DIP2B: variants seen among roughly 807,000 people sequenced by gnomAD.
DIP2B encodes DIP2 acetate--CoA ligase B (putative).
A neutral mutation model predicts 198.0 loss-of-function variants in DIP2B; 76 were observed. The observed-to-expected ratio is 0.38, with a 90% CI of 0.32 to 0.46. DIP2B has a LOEUF of 0.46. DIP2B is among the 20% of genes least tolerant of loss of function. The pLI, the probability that DIP2B is intolerant of heterozygous loss-of-function variation, is 0.99. For synonymous variants in DIP2B, 701 were observed against 739.1 expected (o/e 0.95, Z 0.84); for missense variants, 1,559 against 1,978.4 (o/e 0.79, Z 4.02).
chr12:50,511,320 G>T (rs1463456373), intron 1 of DIP2B, among the ~76,000 whole-genome samples: 1 of 12,386 alleles, frequency 8.1e-5, no homozygotes, highest in African/African-American at 2.2e-4. Context: ...TTTGAGACAG[G>T]GTCTCACTCT....
At chr12:50,739,120 G>A (rs886668914) in intron 35 of DIP2B, among the ~76,000 whole-genome samples, 25 of 152,198 alleles carry the variant, frequency 1.6e-4, no homozygotes, top group African/African-American at 5.8e-4. Context: ...ACGGGCATGG[G>A]TGCGAGTCTC....
intron 1 of DIP2B, among the ~76,000 whole-genome samples, chr12:50,580,538 C>T (rs1183320209): frequency 7.9e-5 from 10 of 127,202 alleles, no homozygotes; most frequent in East Asian, 2.9e-4. Flanking sequence ...TTTCTTTTTC[C>T]TTTTTTTTTT....
intron 23 of DIP2B, among the ~76,000 whole-genome samples, chr12:50,716,958 C>CTTTTTTTTTTTTTTTTTTTTTCTTTTTT (rs1939733256): frequency 1.7e-5 from 1 of 58,924 alleles, no homozygotes; most frequent in Non-Finnish European, 3.0e-5. Context: ...CGAATTGTTG[C>CTTTTTTTTTTTTTTTTTTTTTCTTTTTT]TTTTTTTTTT....
chr12:50,719,461 A>AT (rs1194195145), intron 25 of DIP2B, among the ~76,000 whole-genome samples: 1 of 152,228 alleles, frequency 6.6e-6, no homozygotes, highest in Non-Finnish European at 1.5e-5. Context: ...TAGTTAAATG[A>AT]TTTATTGCTA....
chr12:50,741,688 G>A (rs1479639423), intron 37 of DIP2B, 149 bp downstream of exon 37: 5 of 1,163,952 alleles, frequency 4.3e-6, no homozygotes, highest in Non-Finnish European at 5.9e-6. Flanking sequence ...TCTTGTCTTG[G>A]GTGTGCAATC....
chr12:50,558,856 G>A (rs887717712), intron 1 of DIP2B, among the ~76,000 whole-genome samples: 2 of 152,136 alleles, frequency 1.3e-5, no homozygotes, highest in African/African-American at 4.8e-5. Flanking sequence ...GGAAATGGGG[G>A]CAAAAGTGGG....
intron 1 of DIP2B, among the ~76,000 whole-genome samples, chr12:50,538,599 T>C (rs1958290952): frequency 6.6e-6 from 1 of 151,988 alleles, no homozygotes; most frequent in African/African-American, 2.4e-5. Flanking sequence ...AATTTACCCA[T>C]TTCTTGTACT....
intron 1 of DIP2B, among the ~76,000 whole-genome samples, chr12:50,516,267 CTCTATA>C (rs1958064461): frequency 6.6e-6 from 1 of 151,294 alleles, no homozygotes; most frequent in South Asian, 2.1e-4. Context: ...CTATCTCTAT[CTCTATA>C]TCGAGAGAGT....
intron 1 of DIP2B, among the ~76,000 whole-genome samples, chr12:50,621,768 G>C (rs1239693274): frequency 6.6e-6 from 1 of 152,190 alleles, no homozygotes; most frequent in African/African-American, 2.4e-5. Context: ...AGAAAACGGG[G>C]AGGGGGAGCA....
At chr12:50,699,864 AACAC>A (rs56369651) in intron 19 of DIP2B, among the ~76,000 whole-genome samples, 34,398 of 145,684 alleles carry the variant, frequency 0.24, 4,766 homozygotes, top group East Asian at 0.39. Flanking sequence ...CCCTGTCTCA[AACAC>A]ACACACACAC....
intron 1 of DIP2B, among the ~76,000 whole-genome samples, chr12:50,600,708 ATGAG>A (rs1390978386): frequency 2.0e-5 from 3 of 152,328 alleles, no homozygotes; most frequent in Middle Eastern, 3.4e-3. Context: ...TTAAAGATGA[ATGAG>A]TGAGTGGGAG....
At chr12:50,632,204 G>C (rs1162674175) in intron 2 of DIP2B, among the ~76,000 whole-genome samples, 1 of 151,888 alleles carries the variant, frequency 6.6e-6, no homozygotes, top group Non-Finnish European at 1.5e-5. Flanking sequence ...TAGTAGAGTT[G>C]GACTGGGTTC....
In DIP2B at chr12:50,588,610, C is replaced by A. The variant is rs77581625; in HGVS notation, c.101-37366C>A. Among the ~76,000 whole-genome samples, 796 of 152,228 alleles carry A rather than the reference C, an allele frequency of 5.2e-3. 1 individual carries two copies. The highest frequency in any genetic ancestry group is 0.018 in the African/African-American group (768 of 41,532). On this transcript the variant is annotated intron_variant, in intron 1 of 37. Coordinates refer to ENST00000301180, the MANE Select transcript of DIP2B (RefSeq NM_173602.3). ...GTCTGAATGAGATACCTTTCTCTCCCCTTGGTTTGGGTTGCTCTGGTGGGT... is the reference window on the plus strand; with the variant it reads ...GTCTGAATGAGATACCTTTCTCTCCACTTGGTTTGGGTTGCTCTGGTGGGT...
intron 33 of DIP2B, 65 bp from the exon 34 acceptor site, chr12:50,735,008 C>A: frequency 6.3e-7 from 1 of 1,589,060 alleles, no homozygotes; most frequent in Non-Finnish European, 8.6e-7. Context: ...CAGCACCGAG[C>A]TGCAGGAACA....
In DIP2B at chr12:50,708,650, C is replaced by T. The variant is rs1178953172; in HGVS notation, c.2649+88C>T. On this transcript the variant is annotated intron_variant, in intron 22 of 37. Transcript: ENST00000301180. ...ATTTTCTTCGATCAGCCAGTAATGC[C>T]ACCTTACTTCTTGCCAATCATTGCT... The T allele has an allele frequency of 4.9e-6, 5 of 1,024,742 alleles. No homozygotes were observed. The African/African-American group carries it at 8.0e-5, about 16-fold the overall frequency. 63.5% of individuals were successfully genotyped at this position (1,024,742 alleles called of 1,614,324 possible).
At position 50,716,958 on chromosome 12, in the gene DIP2B, C is replaced by CTTTTTTTTTTTTTTTTTTTTTTTTTTTTT. The variant is rs4026694; in HGVS notation, c.2852-1728_2852-1727insTTTTTTTTTTTTTTTTTTTTTTTTTTTTT. Among the ~76,000 whole-genome samples, 55 of 58,936 alleles carry CTTTTTTTTTTTTTTTTTTTTTTTTTTTTT rather than the reference C, an allele frequency of 9.3e-4. 19 individuals are homozygous for CTTTTTTTTTTTTTTTTTTTTTTTTTTTTT. Among genetic ancestry groups the CTTTTTTTTTTTTTTTTTTTTTTTTTTTTT allele is most frequent in the Admixed American group, 1.6e-3 (5 of 3,164 alleles). The allele number at this position is 58,936 out of a possible 152,430, so 38.7% of individuals were successfully genotyped here. A position where few individuals can be genotyped will look rare whatever the true frequency, so the allele number is the denominator to read the frequency against. On this transcript the variant is annotated intron_variant, in intron 23 of 37. Coordinates refer to ENST00000301180, the MANE Select transcript of DIP2B (RefSeq NM_173602.3). ...CCTATCCTAGATTTACGAATTGTTG[C>CTTTTTTTTTTTTTTTTTTTTTTTTTTTTT]TTTTTTTTTTTTTTTTTTTTTTTGA...
intron 3 of DIP2B, among the ~76,000 whole-genome samples, chr12:50,643,260 C>T (rs1938290888): frequency 6.6e-6 from 1 of 152,142 alleles, no homozygotes; most frequent in African/African-American, 2.4e-5. Context: ...TGCTGTTTTG[C>T]ACCATTGCTT....
intron 29 of DIP2B, 30 bp downstream of exon 29, chr12:50,727,842 C>T (rs1277304827): frequency 6.4e-7 from 1 of 1,574,690 alleles, no homozygotes. Context: ...AATGCCACAT[C>T]TGCCAAAAAA....
In DIP2B at chr12:50,640,825, G is replaced by T; in HGVS notation, c.274G>T (p.Gly92Ter). The change falls in exon 3 of 38, where the codon GGA (glycine) becomes TGA (stop). Residue 92 changes from glycine (G) to a stop codon, truncating the protein, a stop_gained. Transcript: ENST00000301180. LOFTEE classifies it high-confidence loss of function. ...PSKYHRTRSGGARDERYRSDI... is the reference protein window; with the variant it reads ...PSKYHRTRSG Reference sequence around the variant, plus strand: ...TAAGTACCACCGAACTCGATCTGGGGGAGCCAGGGATGAACGATATCGATC... The same window carrying T: ...TAAGTACCACCGAACTCGATCTGGGTGAGCCAGGGATGAACGATATCGATC... The T allele has an allele frequency of 6.2e-7, 1 of 1,613,976 alleles. No homozygotes were observed. The highest frequency in any genetic ancestry group is 8.5e-7 in the Non-Finnish European group (1 of 1,179,880).
Sources: gnomAD v4.1 joint callset for allele counts (sites outside exome capture counted in the v4.1 genomes callset) on GRCh38, gnomAD v4.1.1 for gene constraint, MANE v1.5 for transcripts, NCBI Gene and HGNC (gene_info 2026-07-23, HGNC 2026-07-21) for gene names.